IRAG2: variants seen among roughly 807,000 people sequenced by gnomAD.
IRAG2 encodes the protein lymphoid restricted membrane protein.
In IRAG2, 45 loss-of-function variants were observed where a neutral mutation model predicts 69.9. The observed-to-expected ratio is 0.64, with a 90% CI of 0.51 to 0.83. IRAG2 has a LOEUF of 0.83. IRAG2 is among the 40% of genes least tolerant of loss of function. The pLI, the probability that IRAG2 is intolerant of heterozygous loss-of-function variation, is 0.00. For missense variants in IRAG2, 520 were observed against 587.0 expected (o/e 0.89, Z 1.18); for synonymous variants, 193 against 202.4 (o/e 0.95, Z 0.40).
At chr12:25,106,428 T>C (rs1400986748) in intron 20 of IRAG2, among the ~76,000 whole-genome samples, 10 of 132,160 alleles carry the variant, frequency 7.6e-5, no homozygotes, top group Non-Finnish European at 1.1e-4. Flanking sequence ...TATATTAATA[T>C]GCATATATTA....
chr12:25,104,363 G>A lies in IRAG2; in HGVS notation c.1049G>A (p.Arg350His), dbSNP rs775148882. ...TGGCTATAATCATCTTTATTTAGGCGTATTTTGGGGTCAAAGCAGAGTGAA... is the reference window on the plus strand; with the variant it reads ...TGGCTATAATCATCTTTATTTAGGCATATTTTGGGGTCAAAGCAGAGTGAA... ...DRFSRRSSSW[R>H]ILGSKQSEHR... is the part of the protein sequence containing the mutation. The change falls in exon 20 of 22, where the codon CGT (arginine) becomes CAT (histidine). Residue 350 changes from arginine to histidine, a missense_variant and splice_region_variant. Arg to His is a conservative substitution (Grantham distance 29). Transcript: ENST00000556887. 4.0e-5 allele frequency: 64 copies of A among 1,596,138 alleles called. No individual in the cohort carries two copies. Among genetic ancestry groups the A allele is most frequent in the Admixed American group, 1.2e-4 (7 of 59,990 alleles).
chr12:25,017,709 C>A (rs960440379), intron 6 of IRAG2, among the ~76,000 whole-genome samples: 1 of 144,570 alleles, frequency 6.9e-6, no homozygotes, highest in Non-Finnish European at 1.5e-5. Context: ...TAGAGCAAGA[C>A]TCTGTCTCAA....
At chr12:25,105,074 T>A (rs1364510932) in intron 20 of IRAG2, among the ~76,000 whole-genome samples, 3 of 72,348 alleles carry the variant, frequency 4.1e-5, no homozygotes, top group Non-Finnish European at 7.8e-5. Flanking sequence ...GGTCTCAGTT[T>A]TTTTTTTTTT....
chr12:25,077,374 T>TACATATATGATATATATATGAA (rs1946882984), intron 6 of IRAG2, among the ~76,000 whole-genome samples: 2 of 61,644 alleles, frequency 3.2e-5, no homozygotes, highest in Non-Finnish European at 6.3e-5. Flanking sequence ...ATATATGAAA[T>TACATATATGATATATATATGAA]ATATATATGA....
At position 25,057,252 on chromosome 12, in the gene IRAG2, AT is replaced by A. The variant is rs368710047; in HGVS notation, c.-446-4316del. ...GGTAGGTAGGTAGACAGGTAGACAG[AT>A]TTTTTTTTTTTTTTTTTTTTTTTGA... On this transcript the variant is annotated intron_variant, in intron 1 of 21. Coordinates refer to ENST00000556887, the MANE Select transcript of IRAG2 (RefSeq NM_001366544.2). Among the ~76,000 whole-genome samples the A allele has an allele frequency of 5.9e-3, 522 of 89,006 alleles. 1 individual carries two copies. Among genetic ancestry groups the A allele is most frequent in the African/African-American group, 0.023 (493 of 21,632 alleles). 58.4% of individuals were successfully genotyped at this position (89,006 alleles called of 152,430 possible). A position where few individuals can be genotyped will look rare whatever the true frequency, so the allele number is the denominator to read the frequency against.
chr12:25,041,983 GTGTGTGTGTA>G (rs1336140352), intron 16 of IRAG2, among the ~76,000 whole-genome samples: 6 of 125,752 alleles, frequency 4.8e-5, no homozygotes, highest in African/African-American at 1.7e-4. Context: ...GTGTGTGTGT[GTGTGTGTGTA>G]TGTGTATGTG....
intron 10 of IRAG2, among the ~76,000 whole-genome samples, chr12:25,084,545 G>A (rs1947443920): frequency 7.3e-6 from 1 of 136,128 alleles, no homozygotes; most frequent in Non-Finnish European, 1.5e-5. Context: ...GGAGGGGTGT[G>A]TGTGTGTGTG....
rs565836600 is a variant in IRAG2 at position 25,076,885 on chromosome 12, A to AT, written c.25-2351dup. ...TCTTTTGTTTTCTTTCTTTCTTTTC[A>AT]TTTTTTTTAAAGCAGGGTCTTGCCC... is the stretch of plus-strand genomic sequence containing the variant. On this transcript the variant is annotated intron_variant, in intron 6 of 21. Transcript: ENST00000556887. Among the ~76,000 whole-genome samples the AT allele has an allele frequency of 3.8e-3, 573 of 149,222 alleles. 1 individual carries two copies. Among genetic ancestry groups the AT allele is most frequent in the Middle Eastern group, 7.0e-3 (2 of 284 alleles).
chr12:25,089,732 G>A (rs954079639), intron 12 of IRAG2, 31 bp from the exon 13 acceptor site: 1 of 1,612,648 alleles, frequency 6.2e-7, no homozygotes. Flanking sequence ...GTTGGATTAT[G>A]TTTAAATATG....
At chr12:25,053,728 T>G (rs549108297) in intron 1 of IRAG2, among the ~76,000 whole-genome samples, 2 of 151,758 alleles carry the variant, frequency 1.3e-5, no homozygotes, top group Non-Finnish European at 2.9e-5. Flanking sequence ...ATAAATATTC[T>G]TTTTATAGAA....
intron 14 of IRAG2, chr12:25,091,246 G>A (rs957104831): frequency 3.9e-5 from 6 of 154,964 alleles, no homozygotes; most frequent in Non-Finnish European, 7.1e-5. Flanking sequence ...CTCTGTACCT[G>A]TTAATTTCCC....
rs565322132 is a variant in IRAG2 at position 25,007,347 on chromosome 12, G to A, written c.688+1993G>A. ...CTTTTCTAATATTATCAAATGTCTTGTTAGTAGTCAAAATTTCTCATTTGT... is the reference window on the plus strand; with the variant it reads ...CTTTTCTAATATTATCAAATGTCTTATTAGTAGTCAAAATTTCTCATTTGT... On this transcript the variant is annotated intron_variant, in intron 2 of 38. Coordinates refer to the IRAG2 transcript ENST00000636465. Among the ~76,000 whole-genome samples the A allele has an allele frequency of 7.6e-4, 116 of 152,166 alleles. 1 individual carries two copies. The highest frequency in any genetic ancestry group is 2.7e-3 in the African/African-American group (112 of 41,508).
At chr12:25,101,849 ATTC>A (rs1417774870) in intron 16 of IRAG2, 3 of 496,924 alleles carry the variant, frequency 6.0e-6, no homozygotes, top group Non-Finnish European at 1.2e-5. Flanking sequence ...TCTGAGCAGA[ATTC>A]TTATTTCAAG....
chr12:25,064,919 G>A (rs533901657), intron 4 of IRAG2, among the ~76,000 whole-genome samples: 3 of 152,066 alleles, frequency 2.0e-5, no homozygotes, highest in Admixed American at 6.6e-5. Flanking sequence ...GTGAAACCTC[G>A]TCTCTACTAA....
At chr12:25,097,672 T>A (rs1948502925) in intron 15 of IRAG2, 1 of 152,234 alleles carries the variant, frequency 6.6e-6, no homozygotes, top group Non-Finnish European at 1.5e-5. Context: ...ATTGTGGTAG[T>A]AATTTTAGTT....
intron 1 of IRAG2, among the ~76,000 whole-genome samples, chr12:25,058,846 T>C (rs1006197748): frequency 6.6e-6 from 1 of 152,220 alleles, no homozygotes; most frequent in African/African-American, 2.4e-5. Context: ...ATATATTTGT[T>C]CTAGAGGCAT....
chr12:25,103,828 T>C lies in IRAG2; in HGVS notation c.934-9T>C, dbSNP rs1473669779. The C allele has an allele frequency of 6.2e-7, 1 of 1,602,976 alleles. No individual in the cohort carries two copies. Among genetic ancestry groups the C allele is most frequent in the East Asian group, 2.2e-5 (1 of 44,756 alleles). Reference sequence around the variant, plus strand: ...GTTTTCTAAATGTACATTTTCCTCCTTCTGGTAGCCATCTTCTCTACGAAG... The same window carrying C: ...GTTTTCTAAATGTACATTTTCCTCCCTCTGGTAGCCATCTTCTCTACGAAG... On this transcript the variant is annotated splice_polypyrimidine_tract_variant and intron_variant, in intron 17 of 21. Coordinates refer to ENST00000556887, the MANE Select transcript of IRAG2 (RefSeq NM_001366544.2).
intron 3 of IRAG2, chr12:25,011,658 C>T (rs1944475583): frequency 2.8e-6 from 2 of 724,500 alleles, no homozygotes; most frequent in Admixed American, 8.7e-5. Context: ...TTGTCCAGTG[C>T]TTTAGCATGC....
chr12:25,083,542 G>A, intron 10 of IRAG2, 49 bp downstream of exon 10: 1 of 1,102,892 alleles, frequency 9.1e-7, no homozygotes, highest in Non-Finnish European at 1.4e-6. Flanking sequence ...TCTTACAATG[G>A]TAGAACTATC....
Sources: gnomAD v4.1 joint callset for allele counts (sites outside exome capture counted in the v4.1 genomes callset) on GRCh38, gnomAD v4.1.1 for gene constraint, MANE v1.5 for transcripts, NCBI Gene and HGNC (gene_info 2026-07-23, HGNC 2026-07-21) for gene names.